Variants in VEPH1 observed in about 807,000 individuals in gnomAD.
The protein encoded by VEPH1 is ventricular zone-expressed PH domain-containing protein homolog 1.
A neutral mutation model predicts 85.2 loss-of-function variants in VEPH1; 80 were observed. That is an observed-to-expected ratio of 0.94 (90% CI 0.78 to 1.13). VEPH1 has a LOEUF of 1.13. VEPH1 is among the 50% of genes most tolerant of loss of function. VEPH1 has a pLI of 0.00. For synonymous variants in VEPH1, 297 were observed against 348.0 expected, an observed-to-expected ratio of 0.85 and a Z score of 1.63; for missense variants, 955 against 980.5, an observed-to-expected ratio of 0.97 and a Z score of 0.35.
chr3:157,442,799 C>G (rs752330994), intron 4 of VEPH1: 1 of 1,614,196 alleles, frequency 6.2e-7, no homozygotes, highest in Non-Finnish European at 8.5e-7. Context: ...TGGGTGGTGG[C>G]TTTGATGAAA....
At chr3:157,310,661 A>G (rs1333279718) in intron 11 of VEPH1, among the ~76,000 whole-genome samples, 3 of 152,226 alleles carry the variant, frequency 2.0e-5, no homozygotes, top group Non-Finnish European at 1.5e-5. Flanking sequence ...TCTAGAGCAG[A>G]AGCCCTCCAT....
intron 9 of VEPH1, among the ~76,000 whole-genome samples, chr3:157,346,610 CTT>C (rs5853780): frequency 6.7e-6 from 1 of 150,294 alleles, no homozygotes; most frequent in African/African-American, 2.5e-5. Flanking sequence ...GCCTTAAATA[CTT>C]TTTTTTTTCT....
chr3:157,483,123 T>TAA (rs1553797166), intron 2 of VEPH1, among the ~76,000 whole-genome samples: 6 of 146,936 alleles, frequency 4.1e-5, no homozygotes, highest in African/African-American at 1.5e-4. Context: ...TTTAAAAGCA[T>TAA]ACACACACAC....
intron 6 of VEPH1, among the ~76,000 whole-genome samples, chr3:157,404,872 G>T (rs4679793): frequency 0.67 from 102,012 of 152,058 alleles, 34,595 homozygotes; most frequent in South Asian, 0.75. Context: ...AGCAGCAGGA[G>T]TTGAGCTGGA....
intron 8 of VEPH1, 54 bp from the exon 9 acceptor site, chr3:157,363,815 A>T (rs55865575): frequency 1.3e-5 from 20 of 1,562,462 alleles, no homozygotes; most frequent in East Asian, 4.5e-5. Flanking sequence ...TTCACTGACA[A>T]GGAAAAGAAA....
At chr3:157,362,022 A>G (rs1355641990) in intron 9 of VEPH1, among the ~76,000 whole-genome samples, 1 of 151,758 alleles carries the variant, frequency 6.6e-6, no homozygotes, top group Non-Finnish European at 1.5e-5. Flanking sequence ...TGAGTTTTTT[A>G]ATTTTTTTAT....
rs149875934 is a variant in VEPH1, at chr3:157,470,051, T to G, written c.354+263A>C. On this transcript the variant is annotated intron_variant, in intron 3 of 13. Coordinates refer to ENST00000362010, the MANE Select transcript of VEPH1 (RefSeq NM_001167912.2). Reference sequence around the variant, plus strand: ...GGCACATATTGCTTTCTTGTTAACTTTTTATATGTATACTCTCCAAACAGA... The same window carrying G: ...GGCACATATTGCTTTCTTGTTAACTGTTTATATGTATACTCTCCAAACAGA... Among the ~76,000 whole-genome samples, 990 of 152,282 alleles carry G rather than the reference T, an allele frequency of 6.5e-3. 3 individuals carry two copies. The highest frequency in any genetic ancestry group is 0.011 in the Non-Finnish European group (759 of 68,024).
intron 6 of VEPH1, among the ~76,000 whole-genome samples, chr3:157,404,353 C>A (rs1014855): frequency 6.6e-6 from 1 of 151,916 alleles, no homozygotes; most frequent in African/African-American, 2.4e-5. Context: ...CAAATGCAAC[C>A]AGAAAACCAT....
At chr3:157,284,189 A>G (rs1484665118) in intron 12 of VEPH1, among the ~76,000 whole-genome samples, 2 of 152,256 alleles carry the variant, frequency 1.3e-5, no homozygotes, top group Non-Finnish European at 2.9e-5. Context: ...AATATTTGAC[A>G]TTGCCATTTA....
intron 11 of VEPH1, among the ~76,000 whole-genome samples, chr3:157,305,070 T>A (rs9824138): frequency 4.9e-5 from 2 of 40,406 alleles, no homozygotes; most frequent in Non-Finnish European, 4.8e-5. Context: ...CTATCTATCT[T>A]CCTATCTCTC....
At chr3:157,280,818 T>A (rs1716004698) in intron 12 of VEPH1, among the ~76,000 whole-genome samples, 1 of 152,244 alleles carries the variant, frequency 6.6e-6, no homozygotes, top group Non-Finnish European at 1.5e-5. Flanking sequence ...TTCCCATGGG[T>A]ATTCTATCAC....
intron 2 of VEPH1, among the ~76,000 whole-genome samples, chr3:157,475,929 A>G (rs1249148621): frequency 6.6e-6 from 1 of 152,218 alleles, no homozygotes; most frequent in Non-Finnish European, 1.5e-5. Flanking sequence ...GGAAATAAGG[A>G]GCTCTGGGTA....
At chr3:157,472,151 C>T (rs1231794341) in intron 2 of VEPH1, among the ~76,000 whole-genome samples, 5 of 152,166 alleles carry the variant, frequency 3.3e-5, no homozygotes, top group African/African-American at 9.7e-5. Context: ...CTGTGTGATT[C>T]CTGTAACAGA....
chr3:157,495,354 A>G lies in VEPH1; in HGVS notation c.-5T>C, dbSNP rs768215728. 6.2e-7 allele frequency: 1 copy of G among 1,613,598 alleles called. No homozygotes were observed. The highest frequency in any genetic ancestry group is 8.5e-7 in the Non-Finnish European group (1 of 1,179,714). On this transcript the variant is annotated 5_prime_UTR_variant, in exon 2 of 14. Transcript: ENST00000362010. ...CAGTCTGAACAGTTGATGCATGGTG[A>G]GGATGAGTTTGATCAGTTGACTTTC...
chr3:157,309,125 C>T (rs886832909), intron 11 of VEPH1, among the ~76,000 whole-genome samples: 1 of 151,944 alleles, frequency 6.6e-6, no homozygotes, highest in Admixed American at 6.6e-5. Context: ...CTAGTATGAG[C>T]CAGGCATGCT....
chr3:157,438,220 C>G (rs1158234246), intron 4 of VEPH1, among the ~76,000 whole-genome samples: 1 of 152,072 alleles, frequency 6.6e-6, no homozygotes, highest in East Asian at 1.9e-4. Flanking sequence ...GTCTAGGGCC[C>G]CTTACACCCG....
At chr3:157,303,043 A>G (rs1719012512) in intron 11 of VEPH1, among the ~76,000 whole-genome samples, 2 of 152,248 alleles carry the variant, frequency 1.3e-5, no homozygotes, top group African/African-American at 4.8e-5. Flanking sequence ...AGGTAAATAA[A>G]TGTGCACATA....
At chr3:157,353,855 G>A (rs746736323) in intron 9 of VEPH1, among the ~76,000 whole-genome samples, 52 of 152,108 alleles carry the variant, frequency 3.4e-4, no homozygotes, top group African/African-American at 7.5e-4. Flanking sequence ...CTGGTGTTTC[G>A]CAAGTCCCTG....
intron 12 of VEPH1, among the ~76,000 whole-genome samples, chr3:157,282,012 C>T (rs1043244366): frequency 6.6e-5 from 10 of 152,062 alleles, no homozygotes; most frequent in African/African-American, 2.4e-4. Context: ...AATAATCTAG[C>T]TCGCATGAAG....
Sources: gnomAD v4.1 joint callset for allele counts (sites outside exome capture counted in the v4.1 genomes callset) on GRCh38, gnomAD v4.1.1 for gene constraint, MANE v1.5 for transcripts, NCBI Gene and HGNC (gene_info 2026-07-23, HGNC 2026-07-21) for gene names.